The following NHERF1 variants were observed in gnomAD, a reference collection of about 807,000 sequenced individuals.
NHERF1 encodes NHERF family PDZ scaffold protein 1.
chr17:74,765,794 C>A, the NHERF1 span, among the ~76,000 whole-genome samples: 1 of 152,164 alleles, frequency 6.6e-6, no homozygotes, highest in South Asian at 2.1e-4. Context: ...TCAGGTGATC[C>A]GCCTGCCACA....
At chr17:74,768,955 G>C in the NHERF1 span, 2 of 444,744 alleles carry the variant, frequency 4.5e-6, no homozygotes, top group Non-Finnish European at 8.3e-6. Context: ...CACCATGCCA[G>C]GATCATGGGA....
the NHERF1 span, among the ~76,000 whole-genome samples, chr17:74,751,137 A>C: frequency 3.3e-5 from 5 of 152,154 alleles, no homozygotes; most frequent in Non-Finnish European, 7.4e-5. This position sits in a 1 kb window ranked among gnomAD's most constrained non-coding sequence, Gnocchi z 4.3. Flanking sequence ...GACGTGAAGC[A>C]CTTGAGCCCC....
chr17:74,763,608 G>A, the NHERF1 span: 5 of 1,393,734 alleles, frequency 3.6e-6, no homozygotes, highest in South Asian at 1.3e-5. Flanking sequence ...TGGGTCCCAG[G>A]CGAGGGGTGG....
chr17:74,748,919 G>C, the NHERF1 span: 1 of 1,601,506 alleles, frequency 6.2e-7, no homozygotes, highest in Non-Finnish European at 8.5e-7. The surrounding 1 kb of genome is among the most constrained non-coding windows in gnomAD (Gnocchi z 4.3). Context: ...GAACGGCTAC[G>C]GCTTCCACCT....
At chr17:74,766,911 C>T in the NHERF1 span, 1 of 1,613,368 alleles carries the variant, frequency 6.2e-7, no homozygotes, top group Non-Finnish European at 8.5e-7. Context: ...GTTCTGGACT[C>T]ACCTCTGCTC....
At chr17:74,767,058 T>C in the NHERF1 span, 705 of 1,376,630 alleles carry the variant, frequency 5.1e-4, 3 homozygotes, top group African/African-American at 8.9e-3. Flanking sequence ...GTTGGTAGGA[T>C]AGCCATCTGA....
At chr17:74,760,396 G>A in the NHERF1 span, among the ~76,000 whole-genome samples, 1 of 152,186 alleles carries the variant, frequency 6.6e-6, no homozygotes, top group East Asian at 1.9e-4. This position sits in a 1 kb window ranked among gnomAD's most constrained non-coding sequence, Gnocchi z 4.5. Flanking sequence ...TTGGGGTGAG[G>A]GGTCCTCGAG....
chr17:74,767,592 G>C, the NHERF1 span, among the ~76,000 whole-genome samples: 1 of 152,176 alleles, frequency 6.6e-6, no homozygotes, highest in East Asian at 1.9e-4. Context: ...TTGGCAAGGG[G>C]GAGGGCCCTT....
At chr17:74,767,952 C>T in the NHERF1 span, 2 of 690,554 alleles carry the variant, frequency 2.9e-6, no homozygotes, top group Non-Finnish European at 5.3e-6. Flanking sequence ...GTAGAACCAG[C>T]CTGCCCTCTG....
the NHERF1 span, chr17:74,748,941 A>C: frequency 6.2e-7 from 1 of 1,604,602 alleles, no homozygotes; most frequent in African/African-American, 1.3e-5. The surrounding 1 kb of genome is among the most constrained non-coding windows in gnomAD (Gnocchi z 4.3). Flanking sequence ...CACGGGGAGA[A>C]GGGCAAGTTG....
At chr17:74,759,884 GAGCCTC>G in the NHERF1 span, among the ~76,000 whole-genome samples, 1 of 152,204 alleles carries the variant, frequency 6.6e-6, no homozygotes, top group African/African-American at 2.4e-5. Flanking sequence ...CCACATCTCT[GAGCCTC>G]AGTTTCCCCA....
At chr17:74,755,264 T>G in the NHERF1 span, among the ~76,000 whole-genome samples, 2 of 152,188 alleles carry the variant, frequency 1.3e-5, no homozygotes, top group East Asian at 1.9e-4. Flanking sequence ...CAGGGCATCC[T>G]TGCAGTGCCT....
At chr17:74,761,154 C>T in the NHERF1 span, among the ~76,000 whole-genome samples, 3 of 152,196 alleles carry the variant, frequency 2.0e-5, no homozygotes, top group African/African-American at 7.2e-5. The surrounding 1 kb of genome is among the most constrained non-coding windows in gnomAD (Gnocchi z 4.3). Flanking sequence ...TCCAAGCACT[C>T]GAAATCTGCG....
the NHERF1 span, among the ~76,000 whole-genome samples, chr17:74,757,172 C>T: frequency 1.6e-4 from 24 of 152,248 alleles, no homozygotes; most frequent in African/African-American, 3.9e-4. Context: ...GGTTACTAGC[C>T]AGAAGGAGAA....
the NHERF1 span, chr17:74,749,107 C>A: frequency 6.3e-7 from 1 of 1,581,946 alleles, no homozygotes; most frequent in Non-Finnish European, 8.6e-7. The surrounding 1 kb of genome is among the most constrained non-coding windows in gnomAD (Gnocchi z 5.6). Flanking sequence ...ACGCCGTGCG[C>A]CTGCTGGTGG....
At chr17:74,749,283 A>C in the NHERF1 span, 5 of 1,528,766 alleles carry the variant, frequency 3.3e-6, no homozygotes, top group Non-Finnish European at 4.4e-6. This position sits in a 1 kb window ranked among gnomAD's most constrained non-coding sequence, Gnocchi z 5.6. Flanking sequence ...AGCCACCCGG[A>C]GCAGGTAAGC....
the NHERF1 span, among the ~76,000 whole-genome samples, chr17:74,765,122 G>A: frequency 6.6e-6 from 1 of 152,090 alleles, no homozygotes; most frequent in Non-Finnish European, 1.5e-5. Flanking sequence ...CCCCAGACCT[G>A]TCTTCTCTCC....
the NHERF1 span, among the ~76,000 whole-genome samples, chr17:74,761,671 G>A: frequency 4.6e-5 from 7 of 151,792 alleles, no homozygotes; most frequent in Non-Finnish European, 1.0e-4. This position sits in a 1 kb window ranked among gnomAD's most constrained non-coding sequence, Gnocchi z 4.3. Context: ...GAGGGATAGA[G>A]GCCCGATCAA....
chr17:74,756,304 A>G, the NHERF1 span, among the ~76,000 whole-genome samples: 1 of 84,468 alleles, frequency 1.2e-5, no homozygotes, highest in Non-Finnish European at 2.1e-5. Flanking sequence ...TTTGAGACGG[A>G]GCCTTGCTCT....
Sources: allele counts gnomAD v4.1 joint callset (sites outside exome capture counted in the v4.1 genomes callset), GRCh38; gene constraint gnomAD v4.1.1; non-coding constraint Gnocchi (gnomAD v3.1); transcripts MANE v1.5; gene names NCBI Gene and HGNC (gene_info 2026-07-23, HGNC 2026-07-21).